CARMIL1: variants seen among roughly 807,000 people sequenced by gnomAD.
CARMIL1 encodes the protein F-actin-uncapping protein LRRC16A.
CARMIL1 carries 90 observed loss-of-function variants against 177.1 expected under a neutral mutation model. The ratio of observed to expected loss-of-function variants is 0.51; its 90% CI spans 0.43 to 0.61. CARMIL1 has a LOEUF of 0.61. Ranked by LOEUF, CARMIL1 falls within the 20% of genes least tolerant of loss-of-function variation. The probability of loss-of-function intolerance (pLI) is 0.00; values close to 1 mark genes in which losing one functional copy is unlikely to be tolerated. For synonymous variants in CARMIL1, 577 were observed against 606.2 expected (o/e 0.95, Z 0.71); for missense variants, 1,380 against 1,667.0 (o/e 0.83, Z 3.00).
chr6:25,456,515 A>G (rs889222165), intron 8 of CARMIL1, among the ~76,000 whole-genome samples: 7 of 152,090 alleles, frequency 4.6e-5, no homozygotes, highest in Non-Finnish European at 1.5e-5. Context: ...TATTCTTTCA[A>G]TTTGTTCTGT....
At chr6:25,457,454 C>A (rs999965763) in intron 8 of CARMIL1, among the ~76,000 whole-genome samples, 2 of 152,038 alleles carry the variant, frequency 1.3e-5, no homozygotes, top group African/African-American at 4.8e-5. Context: ...GTGAGTGGTT[C>A]CGCTAATAAT....
intron 29 of CARMIL1, among the ~76,000 whole-genome samples, chr6:25,560,423 A>T (rs998196831): frequency 6.6e-6 from 1 of 152,042 alleles, no homozygotes; most frequent in African/African-American, 2.4e-5. Flanking sequence ...ACATCTCCTT[A>T]ACTGCAGGGC....
Position 25,577,876 on chromosome 6 carries a change from G to A in CARMIL1, c.2743-3048G>A, listed in dbSNP as rs1320637302. 3.9e-5 allele frequency among the ~76,000 whole-genome samples: 6 copies of A among 152,006 alleles called. No individual in the cohort carries two copies. The highest frequency in any genetic ancestry group is 3.9e-4 in the Admixed American group (6 of 15,260). ...TTGTTCACAGTGTCTGCCACAATGG[G>A]GACTTATTGATGATTTGTGATGTTA... is the stretch of plus-strand genomic sequence containing the variant. On this transcript the variant is annotated intron_variant, in intron 29 of 36. Coordinates refer to ENST00000329474, the MANE Select transcript of CARMIL1 (RefSeq NM_017640.6). The surrounding 1 kb of genome is among the most constrained non-coding windows in gnomAD (Gnocchi z 4.5).
At chr6:25,603,937 A>G (rs1247813426) in intron 33 of CARMIL1, among the ~76,000 whole-genome samples, 1 of 152,160 alleles carries the variant, frequency 6.6e-6, no homozygotes, top group East Asian at 1.9e-4. Flanking sequence ...GGTCCTGTTC[A>G]TCTGTATTTA....
intron 2 of CARMIL1, among the ~76,000 whole-genome samples, chr6:25,336,510 C>T (rs1297757573): frequency 6.6e-6 from 1 of 152,188 alleles, no homozygotes; most frequent in African/African-American, 2.4e-5. Context: ...GGACAAGTCA[C>T]TTAACTTCTT....
chr6:25,449,847 G>A, intron 5 of CARMIL1, 51 bp from the exon 6 acceptor site: 3 of 1,032,828 alleles, frequency 2.9e-6, no homozygotes, highest in Non-Finnish European at 4.3e-6. Context: ...ATTTCTATGT[G>A]CAGTCAAAAA....
chr6:25,618,243 A>G (rs1380672079), intron 36 of CARMIL1, among the ~76,000 whole-genome samples: 1 of 150,402 alleles, frequency 6.6e-6, no homozygotes, highest in Non-Finnish European at 1.5e-5. Context: ...TCAACATTTT[A>G]GTAGCCAGCA....
intron 2 of CARMIL1, chr6:25,393,530 T>C (rs1199580519): frequency 1.1e-4 from 16 of 145,314 alleles, no homozygotes; most frequent in African/African-American, 3.6e-4. Flanking sequence ...TACTTCAGCC[T>C]GGGCAACAAG....
intron 5 of CARMIL1, among the ~76,000 whole-genome samples, chr6:25,438,582 G>A (rs1050314849): frequency 2.0e-5 from 3 of 152,178 alleles, no homozygotes; most frequent in African/African-American, 7.2e-5. Flanking sequence ...ATCTTCCCAG[G>A]GCTTCTGTTC....
intron 17 of CARMIL1, among the ~76,000 whole-genome samples, chr6:25,501,225 C>T (rs143962018): frequency 9.9e-5 from 15 of 151,938 alleles, no homozygotes; most frequent in African/African-American, 3.1e-4. Context: ...AGATGGAAGT[C>T]TCCTCATTCC....
At chr6:25,582,614 C>G (rs1813228999) in intron 31 of CARMIL1, among the ~76,000 whole-genome samples, 1 of 152,188 alleles carries the variant, frequency 6.6e-6, no homozygotes, top group South Asian at 2.1e-4. Context: ...AGCTCTCCCT[C>G]TTCCTTCTTG....
chr6:25,550,617 C>T (rs1453311878), intron 26 of CARMIL1, among the ~76,000 whole-genome samples: 1 of 152,118 alleles, frequency 6.6e-6, no homozygotes, highest in Non-Finnish European at 1.5e-5. Context: ...TTAATCTTCT[C>T]GTTAATGGCT....
chr6:25,284,882 G>A lies in CARMIL1; in HGVS notation c.111G>A (p.Lys37=). Residue 37 remains lysine, a synonymous_variant, in exon 2 of 37, where the codon AAG becomes AAA. Coordinates refer to ENST00000329474, the MANE Select transcript of CARMIL1 (RefSeq NM_017640.6). ...AGAAGAAAGTAAAGTTGGAAGTTAA[G>A]GGAGACAAAGTTGAAAACAAAGTGC... is the stretch of plus-strand genomic sequence containing the variant. ...SVKKKVKLEV[K]GDKVENKVLV... 2 of 1,568,978 alleles carry A rather than the reference G, an allele frequency of 1.3e-6. No homozygotes were observed. The highest frequency in any genetic ancestry group is 1.2e-5 in the South Asian group (1 of 85,120).
intron 2 of CARMIL1, among the ~76,000 whole-genome samples, chr6:25,396,196 A>T (rs1793373351): frequency 6.6e-6 from 1 of 151,704 alleles, no homozygotes; most frequent in Admixed American, 6.6e-5. Context: ...TGTCTACTTC[A>T]TTTTATAAGC....
intron 2 of CARMIL1, among the ~76,000 whole-genome samples, chr6:25,384,394 C>T (rs1249355730): frequency 6.6e-6 from 1 of 152,204 alleles, no homozygotes; most frequent in East Asian, 1.9e-4. Flanking sequence ...AAGACACAAA[C>T]CAAAAATTCT....
At chr6:25,304,506 T>C (rs953939862) in intron 2 of CARMIL1, among the ~76,000 whole-genome samples, 3 of 151,978 alleles carry the variant, frequency 2.0e-5, no homozygotes, top group Non-Finnish European at 4.4e-5. Flanking sequence ...TCATAAGGAG[T>C]GTGCAGCCTG....
chr6:25,340,322 T>G (rs2150319607), intron 2 of CARMIL1, among the ~76,000 whole-genome samples: 1 of 152,346 alleles, frequency 6.6e-6, no homozygotes, highest in South Asian at 2.1e-4. Context: ...AGTGTGTAGC[T>G]TAATGCCTTT....
chr6:25,609,465 C>CAAA (rs11399080), intron 35 of CARMIL1, among the ~76,000 whole-genome samples: 46 of 137,090 alleles, frequency 3.4e-4, no homozygotes, highest in Admixed American at 1.4e-3. Context: ...GACTCCATCT[C>CAAA]AAAAAAAAAA....
chr6:25,617,464 A>T (rs185831611), intron 36 of CARMIL1, among the ~76,000 whole-genome samples: 15 of 152,320 alleles, frequency 9.8e-5, no homozygotes, highest in Admixed American at 5.9e-4. Context: ...TAGAACAAAT[A>T]TATTTGCTCT....
Sources: gnomAD v4.1 joint callset for allele counts (sites outside exome capture counted in the v4.1 genomes callset) on GRCh38, gnomAD v4.1.1 for gene constraint, Gnocchi (gnomAD v3.1) non-coding constraint, MANE v1.5 for transcripts, NCBI Gene and HGNC (gene_info 2026-07-23, HGNC 2026-07-21) for gene names.